The following DNAH12 variants were observed in gnomAD, a reference collection of about 807,000 sequenced individuals.
The protein encoded by DNAH12 is axonemal beta dynein heavy chain 12.
A neutral mutation model predicts 371.5 loss-of-function variants in DNAH12; 285 were observed. The ratio of observed to expected loss-of-function variants is 0.77; its 90% CI spans 0.70 to 0.85. The LOEUF is 0.85. DNAH12 is among the 40% of genes least tolerant of loss of function. The pLI, the probability that DNAH12 is intolerant of heterozygous loss-of-function variation, is 0.00. For synonymous variants in DNAH12, 1,200 were observed against 1,213.0 expected (o/e 0.99, Z 0.22); for missense variants, 3,611 against 3,689.4 (o/e 0.98, Z 0.55).
At chr3:57,450,263 A>AAAAAAAAAAG (rs1559675139) in intron 25 of DNAH12, among the ~76,000 whole-genome samples, 11 of 148,862 alleles carry the variant, frequency 7.4e-5, no homozygotes, top group Non-Finnish European at 8.9e-5. Flanking sequence ...AAAAAAAAAA[A>AAAAAAAAAAG]GGTGGCCCAG....
At chr3:57,524,537 A>G (rs2068566871) in intron 2 of DNAH12, among the ~76,000 whole-genome samples, 1 of 152,136 alleles carries the variant, frequency 6.6e-6, no homozygotes, top group Non-Finnish European at 1.5e-5. Context: ...AAATCACAAT[A>G]CTAGATCCTA....
At chr3:57,520,043 G>C (rs1026129763) in intron 4 of DNAH12, 1 of 673,970 alleles carries the variant, frequency 1.5e-6, no homozygotes, top group Non-Finnish European at 2.6e-6. Context: ...CCGACGTTGG[G>C]TTGGGGAAAG....
chr3:57,403,431 C>CT lies in DNAH12; in HGVS notation c.6825_6826insA (p.Gly2276ArgfsTer29). 6.4e-7 allele frequency: 1 copy of CT among 1,551,362 alleles called. No homozygotes were observed. Among genetic ancestry groups the CT allele is most frequent in the Non-Finnish European group, 8.7e-7 (1 of 1,146,840 alleles). On this transcript the variant is annotated frameshift_variant, in exon 43 of 74. Coordinates refer to ENST00000495027, the MANE Select transcript of DNAH12 (RefSeq NM_001366028.2). LOFTEE classifies it high-confidence loss of function. ...GATTGACGACCACTTCCTCCAAGACCAACAAGCAAAGCATTTCCACCAGAT... is the reference window on the plus strand; with the variant it reads ...GATTGACGACCACTTCCTCCAAGACCTAACAAGCAAAGCATTTCCACCAGAT...
At chr3:57,491,099 A>AAAAAC (rs56259991) in intron 11 of DNAH12, among the ~76,000 whole-genome samples, 35,574 of 107,478 alleles carry the variant, frequency 0.33, 7,066 homozygotes, top group South Asian at 0.41. Flanking sequence ...AAAAAAAAAA[A>AAAAAC]AACAACAAAT....
intron 35 of DNAH12, among the ~76,000 whole-genome samples, 194 bp from the exon 36 acceptor site, chr3:57,421,900 G>GTT (rs1383551758): frequency 1.0e-5 from 1 of 97,718 alleles, no homozygotes; most frequent in African/African-American, 6.1e-5. Context: ...ATGTTTGCAT[G>GTT]TCTTTTTTTT....
rs1307283964 is a variant in DNAH12, at chr3:57,323,067, A to G, written c.10323T>C (p.Phe3441=). The part of the protein sequence containing the change: ...MPMLEKICED[F]TSETCNSSFR... The stretch of plus-strand genomic sequence containing the variant: ...AGGATGAGTTACAGGTTTCAGAGGT[A>G]AAATCTTCACATATTTTTTCCAACA... The change falls in exon 64 of 74, where the codon TTT becomes TTC. Residue 3441 remains phenylalanine, a synonymous_variant. Coordinates refer to ENST00000495027, the MANE Select transcript of DNAH12 (RefSeq NM_001366028.2). 6.4e-7 allele frequency: 1 copy of G among 1,552,422 alleles called. No homozygotes were observed. Among genetic ancestry groups the G allele is most frequent in the East Asian group, 2.4e-5 (1 of 40,928 alleles).
chr3:57,544,154 C>A (rs2069424613), intron 1 of DNAH12, 43 bp downstream of exon 1: 1 of 152,220 alleles, frequency 6.6e-6, no homozygotes, highest in Non-Finnish European at 1.5e-5. Context: ...ATCGCGATAC[C>A]TGCCCTGGGA....
intron 58 of DNAH12, among the ~76,000 whole-genome samples, chr3:57,360,684 T>TAAC (rs1158640870): frequency 0.019 from 2,931 of 151,202 alleles, 47 homozygotes; most frequent in Admixed American, 0.036. Context: ...CGAAACTCTG[T>TAAC]AACAACAACA....
At chr3:57,436,635 T>TC (rs1333241894) in intron 30 of DNAH12, among the ~76,000 whole-genome samples, 1 of 152,210 alleles carries the variant, frequency 6.6e-6, no homozygotes, top group Non-Finnish European at 1.5e-5. Flanking sequence ...CACCTAGGGA[T>TC]CCTGAACTTT....
intron 25 of DNAH12, among the ~76,000 whole-genome samples, chr3:57,447,734 G>T (rs1404242625): frequency 2.6e-5 from 4 of 152,056 alleles, no homozygotes; most frequent in African/African-American, 7.2e-5. Flanking sequence ...GAGCACAGTG[G>T]TGAGATCTTG....
intron 43 of DNAH12, among the ~76,000 whole-genome samples, chr3:57,399,585 A>G (rs1559615996): frequency 2.0e-5 from 3 of 152,216 alleles, no homozygotes; most frequent in Non-Finnish European, 4.4e-5. Context: ...TTACATAATG[A>G]TAAAAGGGTC....
At chr3:57,428,171 C>T (rs1442115153) in intron 34 of DNAH12, among the ~76,000 whole-genome samples, 10 of 152,064 alleles carry the variant, frequency 6.6e-5, no homozygotes, top group Non-Finnish European at 8.8e-5. Context: ...TCAAGTGATC[C>T]GCCCACCTCA....
chr3:57,423,604 G>T (rs1575582268), intron 35 of DNAH12, among the ~76,000 whole-genome samples: 1 of 152,102 alleles, frequency 6.6e-6, no homozygotes, highest in Non-Finnish European at 1.5e-5. Flanking sequence ...AGAGGGAGGA[G>T]ATCAATGCAT....
chr3:57,306,156 T>C (rs2061465602), intron 69 of DNAH12, among the ~76,000 whole-genome samples: 2 of 152,152 alleles, frequency 1.3e-5, no homozygotes, highest in African/African-American at 4.8e-5. Flanking sequence ...GGCTGAAGAC[T>C]GACACTGCCC....
At chr3:57,415,607 G>C (rs2064348142) in intron 37 of DNAH12, 43 bp from the exon 38 acceptor site, 3 of 1,496,790 alleles carry the variant, frequency 2.0e-6, no homozygotes, top group Admixed American at 2.8e-5. Context: ...TGGAAAAAAA[G>C]TCAGAATACA....
chr3:57,374,263 C>T (rs1188042047), intron 55 of DNAH12, among the ~76,000 whole-genome samples: 20 of 152,194 alleles, frequency 1.3e-4, no homozygotes, highest in Middle Eastern at 3.4e-3. Flanking sequence ...AATAATAATA[C>T]CTAACTCACA....
Position 57,470,491 on chromosome 3 carries a change from T to C in DNAH12, c.2057A>G (p.Tyr686Cys), listed in dbSNP as rs910125382. The change falls in exon 16 of 74, where the codon TAT becomes TGT. Residue 686 changes from tyrosine (Y) to cysteine (C), a missense_variant. Coordinates refer to ENST00000495027, the MANE Select transcript of DNAH12 (RefSeq NM_001366028.2). ...LDKLKVNIEP[Y>C]QKFFNFVLKW... ...CAAAACAAAATTAAAAAACTTCTGA[T>C]AGGGCTCAATGTTAACTTTTAATTT... 7.1e-6 allele frequency: 11 copies of C among 1,543,430 alleles called. No homozygotes were observed. The highest frequency in any genetic ancestry group is 4.1e-5 in the African/African-American group (3 of 72,814).
chr3:57,451,848 T>C (rs2065767891), intron 25 of DNAH12, among the ~76,000 whole-genome samples: 3 of 152,094 alleles, frequency 2.0e-5, no homozygotes, highest in South Asian at 4.1e-4. Context: ...AGAAAACACC[T>C]GAAACTGGTG....
At chr3:57,304,396 C>G (rs2061427083) in intron 69 of DNAH12, among the ~76,000 whole-genome samples, 1 of 152,178 alleles carries the variant, frequency 6.6e-6, no homozygotes, top group South Asian at 2.1e-4. Flanking sequence ...GAATATCTCA[C>G]CAATTTTAAA....
Sources: allele counts gnomAD v4.1 joint callset (sites outside exome capture counted in the v4.1 genomes callset), GRCh38; gene constraint gnomAD v4.1.1; transcripts MANE v1.5; gene names NCBI Gene and HGNC (gene_info 2026-07-23, HGNC 2026-07-21).